The following C19orf81 variants were observed in gnomAD, a reference collection of about 807,000 sequenced individuals.
The protein encoded by C19orf81 is putative uncharacterized protein C19orf81.
In C19orf81, 19 loss-of-function variants were observed where a neutral mutation model predicts 22.1. That is an observed-to-expected ratio of 0.86 (90% CI 0.60 to 1.26). The LOEUF (loss-of-function observed/expected upper bound fraction) is 1.26, where lower values mean the gene tolerates loss of function less well. Ranked by LOEUF, C19orf81 falls within the 50% of genes most tolerant of loss-of-function variation. The pLI is 0.00. For missense variants in C19orf81, 287 were observed against 280.7 expected, an observed-to-expected ratio of 1.02 and a Z score of -0.16; for synonymous variants, 108 against 113.1, an observed-to-expected ratio of 0.95 and a Z score of 0.29.
chr19:50,649,520 CTG>C lies in C19orf81; in HGVS notation c.67+13_67+14del. On this transcript the variant is annotated intron_variant, in intron 1 of 4. Transcript: ENST00000425202. ...CATGCACAGGAAGGCAGGTACTGAGCTGTGTCTTTGGGGGAAGGGGTGGACTT... is the reference window on the plus strand; with the variant it reads ...CATGCACAGGAAGGCAGGTACTGAGCTGTCTTTGGGGGAAGGGGTGGACTT... The C allele has an allele frequency of 2.6e-6, 4 of 1,536,100 alleles. No homozygotes were observed. Among genetic ancestry groups the C allele is most frequent in the Non-Finnish European group, 3.5e-6 (4 of 1,146,810 alleles).
chr19:50,651,001 T>C (rs747586839), intron 1 of C19orf81, among the ~76,000 whole-genome samples: 4 of 152,240 alleles, frequency 2.6e-5, no homozygotes, highest in Non-Finnish European at 5.9e-5. Context: ...ATTTCGATTT[T>C]GCTGTTTTCT....
At chr19:50,655,994 C>G in intron 1 of C19orf81, 56 bp from the exon 2 acceptor site, 1 of 1,497,328 alleles carries the variant, frequency 6.7e-7, no homozygotes, top group Non-Finnish European at 9.0e-7. Context: ...GCCATTTAAG[C>G]AGAATCATGG....
intron 1 of C19orf81, among the ~76,000 whole-genome samples, chr19:50,651,544 G>A (rs2123037570): frequency 6.6e-6 from 1 of 152,132 alleles, no homozygotes; most frequent in Non-Finnish European, 1.5e-5. Flanking sequence ...CATCCTCCAA[G>A]GCACACAGGG....
chr19:50,655,491 A>G (rs1183564945), intron 1 of C19orf81, among the ~76,000 whole-genome samples: 2 of 152,272 alleles, frequency 1.3e-5, no homozygotes, highest in East Asian at 3.9e-4. Context: ...TCTACTAAAA[A>G]TACAAAAATT....
At chr19:50,651,159 A>G (rs1404409748) in intron 1 of C19orf81, among the ~76,000 whole-genome samples, 2 of 152,186 alleles carry the variant, frequency 1.3e-5, no homozygotes, top group Non-Finnish European at 2.9e-5. Flanking sequence ...CTGGGAGAGG[A>G]GACGTGAAAC....
rs1985089555 is a variant in C19orf81 at position 50,659,260 on chromosome 19, G to C, written c.*118G>C. ...AGGAAGGAGGCGGGGCCGGCTCGAG[G>C]GGGTGGATACTGTGAGTTTAATTAT... On this transcript the variant is annotated 3_prime_UTR_variant, in exon 5 of 5. Transcript: ENST00000425202. The C allele has an allele frequency of 1.2e-6, 1 of 807,942 alleles. No homozygotes were observed. Among genetic ancestry groups the C allele is most frequent in the African/African-American group, 1.8e-5 (1 of 55,334 alleles). The allele number at this position is 807,942 out of a possible 1,614,324, so 50.0% of individuals were successfully genotyped here. A position where few individuals can be genotyped will look rare whatever the true frequency, so the allele number is the denominator to read the frequency against.
chr19:50,653,759 G>T (rs1467940998), intron 1 of C19orf81, among the ~76,000 whole-genome samples: 2 of 149,984 alleles, frequency 1.3e-5, no homozygotes, highest in Admixed American at 6.6e-5. Flanking sequence ...CAGTAGAAGG[G>T]TGTTAGCAAG....
Position 50,658,937 on chromosome 19 carries a change from C to G in C19orf81, c.402-10C>G. The stretch of plus-strand genomic sequence containing the variant: ...TGCGAGTTCCTTTTCCGTCCCCACC[C>G]CCCTTACAGGTGGCTCATCGCGGTC... On this transcript the variant is annotated splice_polypyrimidine_tract_variant and intron_variant, in intron 4 of 4. Transcript: ENST00000425202. 6.8e-7 allele frequency: 1 copy of G among 1,461,348 alleles called. No homozygotes were observed. Among genetic ancestry groups the G allele is most frequent in the African/African-American group, 1.4e-5 (1 of 69,974 alleles). The allele number at this position is 1,461,348 out of a possible 1,614,324, so 90.5% of individuals were successfully genotyped here.
intron 1 of C19orf81, among the ~76,000 whole-genome samples, chr19:50,650,904 C>A (rs141174779): frequency 6.6e-6 from 1 of 152,214 alleles, no homozygotes; most frequent in Non-Finnish European, 1.5e-5. Flanking sequence ...GAGGCACCCA[C>A]GTGACATGTA....
At chr19:50,653,573 C>T (rs1253403139) in intron 1 of C19orf81, among the ~76,000 whole-genome samples, 2 of 151,748 alleles carry the variant, frequency 1.3e-5, no homozygotes, top group African/African-American at 2.4e-5. Context: ...GTCTACCGCA[C>T]GTGTGTGTGT....
chr19:50,655,953 T>C, intron 1 of C19orf81, 97 bp from the exon 2 acceptor site: 2 of 1,151,992 alleles, frequency 1.7e-6, no homozygotes, highest in Non-Finnish European at 2.5e-6. Context: ...CAAGCTATTC[T>C]GGGTGTGGCA....
At chr19:50,652,977 T>A (rs1400300600) in intron 1 of C19orf81, among the ~76,000 whole-genome samples, 1 of 152,208 alleles carries the variant, frequency 6.6e-6, no homozygotes, top group Non-Finnish European at 1.5e-5. Context: ...TCATCATGTG[T>A]TAAACAACAC....
chr19:50,650,354 G>A (rs1984850865), intron 1 of C19orf81, among the ~76,000 whole-genome samples: 1 of 152,220 alleles, frequency 6.6e-6, no homozygotes, highest in South Asian at 2.1e-4. Flanking sequence ...CAGTGAGGAT[G>A]CATGTAACTG....
chr19:50,654,592 A>G (rs964888552), intron 1 of C19orf81, among the ~76,000 whole-genome samples: 2 of 150,032 alleles, frequency 1.3e-5, no homozygotes, highest in Non-Finnish European at 3.0e-5. Context: ...CCACTGCACC[A>G]GGCTCCGTCC....
Position 50,658,142 on chromosome 19 carries a change from GGGGGCGGGGCCTGGAGCGAGCGGGA to G in C19orf81, c.401+26_401+50del, listed in dbSNP as rs1316724458. On this transcript the variant is annotated intron_variant, in intron 4 of 4. Transcript: ENST00000425202. ...GCGCCGGAACCGGTGAGTAAGCGGCGGGGGCGGGGCCTGGAGCGAGCGGGAGGGGCGGGGCCCGGGGCGACCGGGT... is the reference window on the plus strand; with the variant it reads ...GCGCCGGAACCGGTGAGTAAGCGGCGGGGGCGGGGCCCGGGGCGACCGGGT... 1.3e-6 allele frequency: 2 copies of G among 1,531,046 alleles called. No individual in the cohort carries two copies. The highest frequency in any genetic ancestry group is 2.7e-5 in the African/African-American group (2 of 72,900). 94.8% of individuals were successfully genotyped at this position (1,531,046 alleles called of 1,614,324 possible). A position where few individuals can be genotyped will look rare whatever the true frequency, so the allele number is the denominator to read the frequency against.
intron 3 of C19orf81, among the ~76,000 whole-genome samples, chr19:50,657,580 G>A (rs1286876487): frequency 6.6e-6 from 1 of 150,570 alleles, no homozygotes; most frequent in Non-Finnish European, 1.5e-5. Flanking sequence ...ATGCTAATAC[G>A]AATATAAAAG....
At chr19:50,652,203 T>G (rs916923713) in intron 1 of C19orf81, among the ~76,000 whole-genome samples, 5 of 152,308 alleles carry the variant, frequency 3.3e-5, no homozygotes, top group Admixed American at 6.5e-5. Context: ...ATTTCCCTAA[T>G]TATCTCAAAA....
chr19:50,657,005 GA>G (rs1368893476), intron 3 of C19orf81, among the ~76,000 whole-genome samples: 58 of 148,118 alleles, frequency 3.9e-4, no homozygotes, highest in African/African-American at 1.4e-3. Context: ...GGGAGGGAGG[GA>G]AAGGAAAGGA....
chr19:50,658,113 C>A lies in C19orf81; in HGVS notation c.386C>A (p.Ala129Asp). ...AACATGAACGTCATCTGTGGGACTG[C>A]TGGGCGCCGGAACCGGTGAGTAAGC... ...FENMNVICGT[A>D]GRRNRWLIAV... Residue 129 changes from alanine (A) to aspartate (D), a missense_variant, in exon 4 of 5, where the codon GCT (alanine) becomes GAT (aspartate). By Grantham distance (126) the Ala-to-Asp change is moderately radical. Transcript: ENST00000425202. 6.5e-7 allele frequency: 1 copy of A among 1,534,266 alleles called. No homozygotes were observed. The highest frequency in any genetic ancestry group is 8.7e-7 in the Non-Finnish European group (1 of 1,146,092).
Sources: allele counts gnomAD v4.1 joint callset (sites outside exome capture counted in the v4.1 genomes callset), GRCh38; gene constraint gnomAD v4.1.1; transcripts MANE v1.5; gene names NCBI Gene and HGNC (gene_info 2026-07-23, HGNC 2026-07-21).